The following GAREM1 variants were observed in gnomAD, a reference collection of about 807,000 sequenced individuals.
GAREM1 encodes the protein GRB2 associated regulator of MAPK1 subtype 1.
GAREM1 carries 26 observed loss-of-function variants against 71.3 expected under a neutral mutation model. The ratio of observed to expected loss-of-function variants is 0.36; its 90% CI spans 0.27 to 0.51. GAREM1 has a LOEUF of 0.51. Among genes scored for constraint, GAREM1 ranks in the 20% least tolerant of loss-of-function variants. The pLI is 0.95. For synonymous variants in GAREM1, 440 were observed against 433.2 expected (o/e 1.02, Z -0.20); for missense variants, 1,026 against 1,103.1 (o/e 0.93, Z 0.99).
chr18:32,363,044 G>C (rs1043043307), intron 2 of GAREM1, among the ~76,000 whole-genome samples: 1 of 152,118 alleles, frequency 6.6e-6, no homozygotes, highest in African/African-American at 2.4e-5. Flanking sequence ...TAGCTTGTAA[G>C]TATTCAGCCA....
At chr18:32,304,553 A>G (rs1447463206) in intron 3 of GAREM1, among the ~76,000 whole-genome samples, 2 of 152,232 alleles carry the variant, frequency 1.3e-5, no homozygotes, top group East Asian at 1.9e-4. Context: ...GCCATAGATA[A>G]TACATAAACA....
Position 32,271,704 on chromosome 18 carries a change from T to C in GAREM1, c.1567-1321A>G, listed in dbSNP as rs559645600. Among the ~76,000 whole-genome samples the C allele has an allele frequency of 4.6e-5, 7 of 152,342 alleles. No homozygotes were observed. The South Asian group carries it at 1.4e-3, about 32-fold the overall frequency. On this transcript the variant is annotated intron_variant, in intron 4 of 5. Transcript: ENST00000269209. ...TCCAAAAAGTACTTTTTATAAGAGC[T>C]GCTTCCAGCTCTCTCACATTTCCTT...
Position 32,287,192 on chromosome 18 carries a change from T to G in GAREM1, c.1405A>C (p.Thr469Pro), listed in dbSNP as rs1314410684. The G allele has an allele frequency of 6.2e-7, 1 of 1,614,220 alleles. No individual in the cohort carries two copies. The highest frequency in any genetic ancestry group is 8.5e-7 in the Non-Finnish European group (1 of 1,180,040). ...EEGKPSHQPL[T>P]RSLSEKNRCD... is the part of the protein sequence containing the mutation. ...CTGTTCTTCTCGCTCAGAGAGCGAG[T>G]GAGAGGCTGATGGCTGGGCTTGCCT... Residue 469 changes from threonine (T) to proline (P), a missense_variant, in exon 4 of 6, where the codon ACT becomes CCT. By Grantham distance (38) the Thr-to-Pro change is conservative. Around this residue, in one of 3 missense-constraint regions of GAREM1, gnomAD observed 636 missense variants for 631.2 expected, o/e 1.01. Transcript: ENST00000269209. The surrounding 1 kb of genome is among the most constrained non-coding windows in gnomAD (Gnocchi z 5.9).
At chr18:32,352,850 C>A (rs1031823493) in intron 2 of GAREM1, among the ~76,000 whole-genome samples, 1 of 152,166 alleles carries the variant, frequency 6.6e-6, no homozygotes, top group Admixed American at 6.5e-5. Flanking sequence ...GAAGAGGAAA[C>A]TCCCCAGCTG....
chr18:32,310,077 A>G (rs2047300976), intron 3 of GAREM1, 116 bp downstream of exon 3: 1 of 1,144,642 alleles, frequency 8.7e-7, no homozygotes, highest in Non-Finnish European at 1.2e-6. Context: ...GCCACTAACT[A>G]TTAGAAGATA....
At chr18:32,347,128 G>A (rs1375874672) in intron 2 of GAREM1, among the ~76,000 whole-genome samples, 1 of 152,156 alleles carries the variant, frequency 6.6e-6, no homozygotes, top group South Asian at 2.1e-4. Context: ...AACAAAAAAG[G>A]AAGTGACTTT....
rs74446614 is a variant in GAREM1 at position 32,302,073 on chromosome 18, T to C, written c.393+8120A>G. Among the ~76,000 whole-genome samples the C allele has an allele frequency of 2.5e-4, 38 of 152,340 alleles. 1 individual carries two copies. In the East Asian group the frequency reaches 7.1e-3, roughly 29 times the overall value. On this transcript the variant is annotated intron_variant, in intron 3 of 5. Coordinates refer to ENST00000269209, the MANE Select transcript of GAREM1 (RefSeq NM_001242409.2). The stretch of plus-strand genomic sequence containing the variant: ...ATGAATTAAACTATACAAGCTATTG[T>C]GTCAAAGTGAAAGTACATTCTGATC...
At chr18:32,408,779 A>G (rs2144680862) in intron 1 of GAREM1, among the ~76,000 whole-genome samples, 1 of 152,286 alleles carries the variant, frequency 6.6e-6, no homozygotes, top group East Asian at 1.9e-4. Context: ...AAAGCAACTT[A>G]ACTTTTGGGA....
chr18:32,370,947 G>GATA (rs1385333244), intron 2 of GAREM1, among the ~76,000 whole-genome samples: 2 of 152,118 alleles, frequency 1.3e-5, no homozygotes, highest in East Asian at 3.8e-4. Flanking sequence ...CCTCTGACAG[G>GATA]CACTAGAGAT....
At chr18:32,315,493 A>G (rs1255026448) in intron 2 of GAREM1, among the ~76,000 whole-genome samples, 1 of 147,548 alleles carries the variant, frequency 6.8e-6, no homozygotes, top group Non-Finnish European at 1.5e-5. Context: ...TATATATAAA[A>G]TATATAAAAA....
intron 1 of GAREM1, among the ~76,000 whole-genome samples, chr18:32,436,267 T>A (rs958732036): frequency 6.6e-6 from 1 of 152,156 alleles, no homozygotes; most frequent in Non-Finnish European, 1.5e-5. Context: ...AGAACCAACC[T>A]GTGGACCTCT....
In GAREM1 at chr18:32,398,522, G is replaced by A. The variant is rs181907846; in HGVS notation, c.122-5487C>T. Among the ~76,000 whole-genome samples the A allele has an allele frequency of 1.2e-4, 19 of 152,288 alleles. No individual in the cohort carries two copies. The East Asian group carries it at 3.3e-3, about 26-fold the overall frequency. ...CCCTCAGAAACACAAACTACCATCA[G>A]AGAATACTATAAACACCTCTATGCA... On this transcript the variant is annotated intron_variant, in intron 1 of 5. Transcript: ENST00000269209.
At position 32,470,579 on chromosome 18, in the gene GAREM1, T is replaced by A; in HGVS notation, c.-151A>T. On this transcript the variant is annotated 5_prime_UTR_variant, in exon 1 of 6. Coordinates refer to ENST00000269209, the MANE Select transcript of GAREM1 (RefSeq NM_001242409.2). The surrounding 1 kb of genome is among the most constrained non-coding windows in gnomAD (Gnocchi z 4.4). ...CGGGCAGCCGGGGGGGCGCGGCGAC[T>A]GGGGCGGCCCGGAGGGAGGGGGCCG... The A allele has an allele frequency of 2.6e-6, 1 of 388,236 alleles. No individual in the cohort carries two copies. The highest frequency in any genetic ancestry group is 3.5e-6 in the Non-Finnish European group (1 of 287,098). 24.0% of individuals were successfully genotyped at this position (388,236 alleles called of 1,614,324 possible).
chr18:32,294,003 T>C (rs1378139791), intron 3 of GAREM1, among the ~76,000 whole-genome samples: 1 of 152,216 alleles, frequency 6.6e-6, no homozygotes, highest in East Asian at 1.9e-4. Context: ...GGCTGAATGA[T>C]TGTTCCAGAT....
chr18:32,415,831 G>A (rs1299584229), intron 1 of GAREM1, among the ~76,000 whole-genome samples: 1 of 151,924 alleles, frequency 6.6e-6, no homozygotes, highest in African/African-American at 2.4e-5. Context: ...TAAGTCCATT[G>A]TCACCACTGT....
intron 4 of GAREM1, among the ~76,000 whole-genome samples, chr18:32,286,303 C>T (rs1373848054): frequency 6.6e-6 from 1 of 150,442 alleles, no homozygotes; most frequent in Non-Finnish European, 1.5e-5. Context: ...ATAGAACTAC[C>T]CTGGCACCTG....
At chr18:32,434,876 A>G (rs2048659426) in intron 1 of GAREM1, among the ~76,000 whole-genome samples, 1 of 152,132 alleles carries the variant, frequency 6.6e-6, no homozygotes, top group Non-Finnish European at 1.5e-5. Context: ...TATTAATTAT[A>G]AAGAGAGCAG....
intron 5 of GAREM1, 65 bp downstream of exon 5, chr18:32,270,152 T>C: frequency 6.5e-7 from 1 of 1,545,200 alleles, no homozygotes; most frequent in East Asian, 2.3e-5. Flanking sequence ...GAAAATGCTT[T>C]CAAGAACCCA....
rs148857293 is a variant in GAREM1, at chr18:32,287,260, G to A, written c.1337C>T (p.Pro446Leu). 168 of 1,614,196 alleles carry A rather than the reference G, an allele frequency of 1.0e-4. 1 individual carries two copies. The Middle Eastern group carries it at 1.2e-3, about 11-fold the overall frequency. The change falls in exon 4 of 6, where the codon CCG (proline) becomes CTG (leucine). Residue 446 changes from proline to leucine, a missense_variant. Pro to Leu is a moderately conservative substitution (Grantham distance 98, BLOSUM62 -3). Transcript: ENST00000269209. The surrounding 1 kb of genome is among the most constrained non-coding windows in gnomAD (Gnocchi z 5.9). ...TTCGTAGGGAAGTTCTGACTTTCCCGGGATGCCTGCTGATTCTTCACTAGC... is the reference window on the plus strand; with the variant it reads ...TTCGTAGGGAAGTTCTGACTTTCCCAGGATGCCTGCTGATTCTTCACTAGC... The part of the protein sequence containing the change: ...PEASEESAGI[P>L]GKSELPYEEL...
Sources: allele counts gnomAD v4.1 joint callset (sites outside exome capture counted in the v4.1 genomes callset), GRCh38; gene constraint gnomAD v4.1.1; regional missense constraint gnomAD v4.1.1; non-coding constraint Gnocchi (gnomAD v3.1); transcripts MANE v1.5; gene names NCBI Gene and HGNC (gene_info 2026-07-23, HGNC 2026-07-21).